TDG: variants seen among roughly 807,000 people sequenced by gnomAD.
TDG encodes thymine DNA glycosylase, also known as G/T mismatch-specific thymine DNA glycosylase.
Under a neutral mutation model 46.1 loss-of-function variants are expected in TDG, and 23 were observed. The ratio of observed to expected loss-of-function variants is 0.50; its 90% CI spans 0.36 to 0.71. The LOEUF (loss-of-function observed/expected upper bound fraction) is 0.71. Among genes scored for constraint, TDG ranks in the 30% least tolerant of loss-of-function variants. TDG has a pLI of 0.00. For synonymous variants in TDG, 115 were observed against 161.3 expected (o/e 0.71, Z 2.18); for missense variants, 304 against 486.7 (o/e 0.62, Z 3.53).
chr12:103,979,818 A>G lies in TDG; in HGVS notation c.167-13A>G. 1 of 1,535,158 alleles carries G rather than the reference A, an allele frequency of 6.5e-7. No homozygotes were observed. The highest frequency in any genetic ancestry group is 8.7e-7 in the Non-Finnish European group (1 of 1,150,680). ...AAGATTTTCTGCATTTCTGGAAATT[A>G]TTTGTATTTCAGAGGCTCCAAAAGG... On this transcript the variant is annotated splice_polypyrimidine_tract_variant and intron_variant, in intron 2 of 9. Transcript: ENST00000392872.
intron 2 of TDG, among the ~76,000 whole-genome samples, chr12:103,978,804 G>A (rs1026988739): frequency 1.2e-4 from 19 of 152,176 alleles, no homozygotes; most frequent in African/African-American, 4.1e-4. Context: ...TGATGATCAA[G>A]ACTGGCAGGT....
chr12:103,982,763 T>TA (rs752855757), intron 4 of TDG, 36 bp from the exon 5 acceptor site: 168 of 1,558,562 alleles, frequency 1.1e-4, no homozygotes, highest in African/African-American at 2.0e-4. Flanking sequence ...AGACCCTGTC[T>TA]AAAAAAAAAT....
At chr12:103,973,118 CTTG>C (rs2136233950) in intron 1 of TDG, 3 of 431,454 alleles carry the variant, frequency 7.0e-6, no homozygotes, top group Non-Finnish European at 1.3e-5. Context: ...GAGTTTCGCT[CTTG>C]TTGTCCAGGC....
intron 1 of TDG, among the ~76,000 whole-genome samples, chr12:103,970,971 A>G (rs941608957): frequency 2.0e-5 from 3 of 152,208 alleles, no homozygotes; most frequent in African/African-American, 7.2e-5. Flanking sequence ...AAAAAATGAT[A>G]CAGATAAAAA....
Position 103,980,840 on chromosome 12 carries a change from A to C in TDG, c.409-53A>C. 32 of 1,546,392 alleles carry C rather than the reference A, an allele frequency of 2.1e-5. No homozygotes were observed. In the South Asian group the frequency reaches 3.4e-4, roughly 17 times the overall value. The stretch of plus-strand genomic sequence containing the variant: ...TCCACCACTCCTCCATAGAAACGCT[A>C]AGGCTTAGGTCCTGCTTTTTAAGAT... On this transcript the variant is annotated intron_variant, in intron 3 of 9. Transcript: ENST00000392872.
At chr12:103,984,467 C>T (rs756818674) in intron 7 of TDG, among the ~76,000 whole-genome samples, 11 of 152,066 alleles carry the variant, frequency 7.2e-5, no homozygotes, top group Non-Finnish European at 1.6e-4. Flanking sequence ...TGGTGGCATG[C>T]GCTGTAATCC....
At chr12:103,966,791 A>G (rs1320842608) in intron 1 of TDG, among the ~76,000 whole-genome samples, 1 of 152,204 alleles carries the variant, frequency 6.6e-6, no homozygotes, top group African/African-American at 2.4e-5. Context: ...CATTGAAATT[A>G]AAAGGAAAAA....
chr12:103,976,408 C>CACACACACACACACA (rs1566179985), intron 1 of TDG, among the ~76,000 whole-genome samples: 17 of 147,542 alleles, frequency 1.2e-4, no homozygotes, highest in African/African-American at 4.2e-4. Flanking sequence ...CCCTGTCTCC[C>CACACACACACACACA]CACACACACA....
intron 9 of TDG, 132 bp downstream of exon 9, chr12:103,985,860 A>C (rs984419552): frequency 2.9e-6 from 3 of 1,022,508 alleles, no homozygotes; most frequent in Non-Finnish European, 4.0e-6. Flanking sequence ...AGTGACTAAT[A>C]GTGAAAAATT....
chr12:103,966,509 C>G (rs1453665458), intron 1 of TDG, among the ~76,000 whole-genome samples: 1 of 152,118 alleles, frequency 6.6e-6, no homozygotes, highest in African/African-American at 2.4e-5. Context: ...CCCCAAAGGC[C>G]TACTGAAAGC....
chr12:103,968,112 A>G (rs1014313369), intron 1 of TDG: 3 of 152,214 alleles, frequency 2.0e-5, no homozygotes, highest in Non-Finnish European at 4.4e-5. Context: ...AGCATGAGCC[A>G]AAGCGCCCAG....
chr12:103,966,108 GGCAGGCTGGCTGGCGCGCGC>G, intron 1 of TDG, 48 bp downstream of exon 1: 4 of 1,493,762 alleles, frequency 2.7e-6, no homozygotes, highest in Non-Finnish European at 3.6e-6. Context: ...CTCACTGCTG[GGCAGGCTGGCTGGCGCGCGC>G]GCGCGCACGC....
intron 1 of TDG, among the ~76,000 whole-genome samples, chr12:103,974,702 G>A (rs1303001605): frequency 6.6e-6 from 1 of 152,064 alleles, no homozygotes; most frequent in Non-Finnish European, 1.5e-5. Context: ...TGGGCGCGGT[G>A]GCTCATGCCT....
intron 2 of TDG, 104 bp from the exon 3 acceptor site, chr12:103,979,727 G>A (rs1871727637): frequency 7.2e-7 from 1 of 1,383,534 alleles, no homozygotes; most frequent in Admixed American, 2.7e-5. Context: ...CTTAATTTTG[G>A]GGAGACAGGT....
chr12:103,985,872 A>G (rs1872129532), intron 9 of TDG, 144 bp downstream of exon 9: 1 of 948,556 alleles, frequency 1.1e-6, no homozygotes, highest in Non-Finnish European at 1.5e-6. Flanking sequence ...TGAAAAATTG[A>G]TGGTTATTTC....
chr12:103,983,432 T>A lies in TDG; in HGVS notation c.792+43T>A, dbSNP rs982095270. Reference sequence around the variant, plus strand: ...AATTTGTAAATCAGCTAAATGTGAATTTTTTTCTAGATAATTTCCTTATTT... The same window carrying A: ...AATTTGTAAATCAGCTAAATGTGAAATTTTTTCTAGATAATTTCCTTATTT... On this transcript the variant is annotated intron_variant, in intron 7 of 9. Coordinates refer to ENST00000392872, the MANE Select transcript of TDG (RefSeq NM_003211.6). The A allele has an allele frequency of 5.0e-6, 7 of 1,406,636 alleles. No individual in the cohort carries two copies. The African/African-American group carries it at 7.3e-5, about 15-fold the overall frequency. 87.1% of individuals were successfully genotyped at this position (1,406,636 alleles called of 1,614,324 possible). A position where few individuals can be genotyped will look rare whatever the true frequency, so the allele number is the denominator to read the frequency against.
intron 8 of TDG, 68 bp downstream of exon 8, chr12:103,984,988 TATATACACATATACATATATAC>T: frequency 3.1e-6 from 4 of 1,276,606 alleles, no homozygotes; most frequent in Non-Finnish European, 3.1e-6. Flanking sequence ...TACTTACATA[TATATACACATATACATATATAC>T]ATATACACAT....
chr12:103,971,644 A>G (rs1871287895), intron 1 of TDG, among the ~76,000 whole-genome samples: 1 of 152,186 alleles, frequency 6.6e-6, no homozygotes, highest in Non-Finnish European at 1.5e-5. Flanking sequence ...GCTAGCAGAG[A>G]AAAAGGGGTA....
intron 1 of TDG, among the ~76,000 whole-genome samples, chr12:103,973,232 T>C (rs1409031489): frequency 6.6e-6 from 1 of 152,018 alleles, no homozygotes; most frequent in African/African-American, 2.4e-5. Flanking sequence ...ATTACAGGCA[T>C]GCGCCACCAC....
Sources: gnomAD v4.1 joint callset for allele counts (sites outside exome capture counted in the v4.1 genomes callset) on GRCh38, gnomAD v4.1.1 for gene constraint, MANE v1.5 for transcripts, NCBI Gene and HGNC (gene_info 2026-07-23, HGNC 2026-07-21) for gene names.